Variants in RAD17 observed in about 807,000 individuals in gnomAD.
RAD17 encodes the protein RAD17 checkpoint clamp loader component, also known as cell cycle checkpoint protein RAD17.
In RAD17, 31 loss-of-function variants were observed where a neutral mutation model predicts 81.5. The observed-to-expected ratio is 0.38, with a 90% confidence interval of 0.29 to 0.51. The LOEUF is 0.51. RAD17 is among the 20% of genes least tolerant of loss of function. RAD17 has a pLI of 0.88. For missense variants in RAD17, 681 were observed against 781.2 expected (o/e 0.87, Z 1.53); for synonymous variants, 261 against 266.2 (o/e 0.98, Z 0.19).
At chr5:69,381,861 G>A in intron 6 of RAD17, 40 bp from the exon 7 acceptor site, 2 of 1,396,622 alleles carry the variant, frequency 1.4e-6, no homozygotes, top group Non-Finnish European at 2.0e-6. Context: ...TAGCATTCCA[G>A]TGATTTTGGT....
chr5:69,373,785 T>G, intron 4 of RAD17, 45 bp from the exon 5 acceptor site: 2 of 1,527,858 alleles, frequency 1.3e-6, no homozygotes, highest in Non-Finnish European at 1.8e-6. Flanking sequence ...GGGGAATAGA[T>G]GGGAGAAAAT....
chr5:69,404,489 C>G (rs992010052), intron 17 of RAD17, among the ~76,000 whole-genome samples: 1 of 151,320 alleles, frequency 6.6e-6, no homozygotes, highest in African/African-American at 2.4e-5. Context: ...TAAAATTGGC[C>G]GGGCACGGTG....
intron 11 of RAD17, among the ~76,000 whole-genome samples, chr5:69,388,396 G>GT (rs1348961497): frequency 6.6e-6 from 1 of 152,012 alleles, no homozygotes; most frequent in Non-Finnish European, 1.5e-5. Flanking sequence ...CATTTTGAGG[G>GT]TTTTTTTGTG....
At chr5:69,410,047 C>T (rs966226736) in intron 17 of RAD17, among the ~76,000 whole-genome samples, 1 of 152,132 alleles carries the variant, frequency 6.6e-6, no homozygotes, top group Non-Finnish European at 1.5e-5. Flanking sequence ...TTTGGTTATC[C>T]ATTCATCTGT....
intron 7 of RAD17, 74 bp downstream of exon 7, chr5:69,382,131 A>G (rs1763897680): frequency 1.3e-5 from 20 of 1,482,290 alleles, no homozygotes; most frequent in Middle Eastern, 1.7e-4. Flanking sequence ...ATAAAGTTCT[A>G]TGAGTGCATT....
chr5:69,394,282 C>A (rs1291385308), intron 15 of RAD17, among the ~76,000 whole-genome samples: 1 of 150,380 alleles, frequency 6.6e-6, no homozygotes, highest in Non-Finnish European at 1.5e-5. Context: ...TGCTGGTCTC[C>A]AACTCCTGAG....
intron 16 of RAD17, among the ~76,000 whole-genome samples, 174 bp downstream of exon 16, chr5:69,396,720 A>G (rs1034316208): frequency 2.0e-5 from 3 of 152,240 alleles, no homozygotes. Flanking sequence ...AAACATAAAA[A>G]GGTGACTCTT....
intron 17 of RAD17, among the ~76,000 whole-genome samples, chr5:69,409,715 A>T (rs144077494): frequency 3.9e-4 from 60 of 152,288 alleles, no homozygotes; most frequent in African/African-American, 9.4e-4. Context: ...TATCATCTTA[A>T]CCATTTTGAA....
intron 17 of RAD17, among the ~76,000 whole-genome samples, chr5:69,405,007 T>G (rs1422212838): frequency 6.6e-6 from 1 of 152,100 alleles, no homozygotes. Flanking sequence ...AAAAACTGCT[T>G]AACATTAAGG....
At chr5:69,390,390 A>C (rs1764476964) in intron 12 of RAD17, among the ~76,000 whole-genome samples, 1 of 152,140 alleles carries the variant, frequency 6.6e-6, no homozygotes, top group Non-Finnish European at 1.5e-5. Flanking sequence ...CTCATGCCTG[A>C]AGCCAAGGTG....
At chr5:69,397,139 ATT>A (rs1253628329) in intron 16 of RAD17, among the ~76,000 whole-genome samples, 1 of 146,896 alleles carries the variant, frequency 6.8e-6, no homozygotes, top group Admixed American at 6.8e-5. Flanking sequence ...GCCATATTTT[ATT>A]TTTTATTTTT....
chr5:69,396,456 C>T lies in RAD17; in HGVS notation c.1482C>T (p.Ser494=), dbSNP rs973305921. 4 of 1,612,658 alleles carry T rather than the reference C, an allele frequency of 2.5e-6. No homozygotes were observed. The highest frequency in any genetic ancestry group is 3.3e-5 in the Admixed American group (2 of 59,876). ...TAGCTACGAGAGGTGTGATGCATTC[C>T]AACAAAGCCCGAGGATATGCTCATT... ...TSIATRGVMH[S]NKARGYAHCQ... is the part of the protein sequence containing the mutation. Residue 494 remains serine, a synonymous_variant, in exon 16 of 19, where the codon TCC becomes TCT. Coordinates refer to ENST00000354868, the MANE Select transcript of RAD17 (RefSeq NM_133338.3).
intron 6 of RAD17, 80 bp downstream of exon 6, chr5:69,374,791 T>C (rs1763236590): frequency 3.3e-6 from 4 of 1,221,870 alleles, no homozygotes; most frequent in Non-Finnish European, 4.7e-6. Flanking sequence ...GTTAAAGTTT[T>C]ATGATGATTT....
intron 7 of RAD17, 68 bp downstream of exon 7, chr5:69,382,125 AG>A: frequency 1.3e-6 from 2 of 1,492,006 alleles, no homozygotes; most frequent in Non-Finnish European, 1.8e-6. Flanking sequence ...TTTCAGATAA[AG>A]TTCTATGAGT....
chr5:69,374,055 C>G lies in RAD17; in HGVS notation c.235C>G (p.Pro79Ala). The G allele has an allele frequency of 1.2e-6, 2 of 1,609,386 alleles. No individual in the cohort carries two copies. Among genetic ancestry groups the G allele is most frequent in the Non-Finnish European group, 1.7e-6 (2 of 1,177,392 alleles). ...NSKEYLSENE[P>A]WVDKYKPETQ... ...AAAAGAATATCTGTCTGAAAATGAA[C>G]CATGGGTGGATAAATATAAACCAGA... The change falls in exon 5 of 19, where the codon CCA becomes GCA. Residue 79 changes from proline (P) to alanine (A), a missense_variant. Transcript: ENST00000354868.
chr5:69,372,062 A>G lies in RAD17; in HGVS notation c.-147A>G. ...ATGGGAGTCCACATTTATGTAAGAAATGAAACTATAAAATGTATAAATAAT... is the reference window on the plus strand; with the variant it reads ...ATGGGAGTCCACATTTATGTAAGAAGTGAAACTATAAAATGTATAAATAAT... On this transcript the variant is annotated 5_prime_UTR_variant, in exon 4 of 19. It removes an upstream start codon present in the reference 5' UTR. Transcript: ENST00000354868. 1 of 1,346,638 alleles carries G rather than the reference A, an allele frequency of 7.4e-7. No individual in the cohort carries two copies. The highest frequency in any genetic ancestry group is 1.7e-5 in the South Asian group (1 of 57,312). The allele number at this position is 1,346,638 out of a possible 1,614,324, so 83.4% of individuals were successfully genotyped here. A position where few individuals can be genotyped will look rare whatever the true frequency, so the allele number is the denominator to read the frequency against.
rs528183617 is a variant in RAD17, at chr5:69,389,714, C to G, written c.1006+569C>G. 3.3e-5 allele frequency among the ~76,000 whole-genome samples: 5 copies of G among 152,332 alleles called. No homozygotes were observed. In the East Asian group the frequency reaches 5.8e-4, roughly 18 times the overall value. On this transcript the variant is annotated intron_variant, in intron 12 of 18. Transcript: ENST00000354868. ...GGAGTGCAGTGGCATGATCTTGGCTCACTGCAAGCTCCGCCTCCCAGGTTC... is the reference window on the plus strand; with the variant it reads ...GGAGTGCAGTGGCATGATCTTGGCTGACTGCAAGCTCCGCCTCCCAGGTTC...
intron 11 of RAD17, among the ~76,000 whole-genome samples, chr5:69,387,366 A>G (rs919379356): frequency 3.3e-5 from 5 of 152,152 alleles, no homozygotes; most frequent in Non-Finnish European, 5.9e-5. Context: ...ATGAAACATA[A>G]TTTTTGTTGC....
chr5:69,406,150 A>G (rs1049877131), intron 17 of RAD17, among the ~76,000 whole-genome samples: 1 of 152,180 alleles, frequency 6.6e-6, no homozygotes, highest in Non-Finnish European at 1.5e-5. Context: ...GCGTCAGTCT[A>G]ATTGTCCATT....
Sources: allele counts gnomAD v4.1 joint callset (sites outside exome capture counted in the v4.1 genomes callset), GRCh38; gene constraint gnomAD v4.1.1; transcripts MANE v1.5; gene names NCBI Gene and HGNC (gene_info 2026-07-23, HGNC 2026-07-21).